ATXN1: variants seen among roughly 807,000 people sequenced by gnomAD.
ATXN1 encodes the protein ataxin-1.
ATXN1 carries 8 observed loss-of-function variants against 56.4 expected under a neutral mutation model. That is an observed-to-expected ratio of 0.14 (90% CI 0.08 to 0.26). The LOEUF (loss-of-function observed/expected upper bound fraction) is 0.26, where lower values mean the gene tolerates loss of function less well. ATXN1 is among the 10% of genes least tolerant of loss of function. The pLI is 1.00. For synonymous variants in ATXN1, 514 were observed against 494.6 expected, an observed-to-expected ratio of 1.04 and a Z score of -0.52; for missense variants, 987 against 1,106.5, an observed-to-expected ratio of 0.89 and a Z score of 1.53.
At chr6:16,559,166 C>T (rs979198234) in intron 4 of ATXN1, among the ~76,000 whole-genome samples, 7 of 152,134 alleles carry the variant, frequency 4.6e-5, no homozygotes, top group Non-Finnish European at 1.0e-4. Context: ...TCAAACAGTG[C>T]TAGCAGGAAC....
intron 5 of ATXN1, among the ~76,000 whole-genome samples, chr6:16,521,523 A>G (rs1434372816): frequency 6.6e-6 from 1 of 152,236 alleles, no homozygotes; most frequent in Non-Finnish European, 1.5e-5. Context: ...GTGCCACTGC[A>G]CTCCAGCCTG....
chr6:16,478,514 T>C (rs559633989), intron 6 of ATXN1, among the ~76,000 whole-genome samples: 2 of 152,354 alleles, frequency 1.3e-5, no homozygotes, highest in Non-Finnish European at 2.9e-5. Flanking sequence ...TCTACTCTTC[T>C]ACCTTCTTTT....
chr6:16,554,541 T>A (rs1184045041), intron 4 of ATXN1, among the ~76,000 whole-genome samples: 1 of 152,194 alleles, frequency 6.6e-6, no homozygotes, highest in East Asian at 1.9e-4. Flanking sequence ...AACCTCCAGC[T>A]CCCAGATTCA....
intron 7 of ATXN1, among the ~76,000 whole-genome samples, chr6:16,323,145 T>C (rs1760715970): frequency 6.6e-6 from 1 of 152,108 alleles, no homozygotes; most frequent in Non-Finnish European, 1.5e-5. Context: ...GGGAAGCCAA[T>C]TTCTCTTTCA....
chr6:16,561,348 ATT>A (rs1184920656), intron 4 of ATXN1, among the ~76,000 whole-genome samples: 2 of 151,746 alleles, frequency 1.3e-5, no homozygotes, highest in Non-Finnish European at 3.0e-5. Context: ...ACAGGAGTTA[ATT>A]ATTTTGGTTC....
At chr6:16,658,435 G>C (rs902831921) in intron 2 of ATXN1, among the ~76,000 whole-genome samples, 1 of 121,964 alleles carries the variant, frequency 8.2e-6, no homozygotes, top group Non-Finnish European at 1.6e-5. Context: ...GTAATGCATG[G>C]GTTTCCCTTG....
rs183614757 is a variant in ATXN1, at chr6:16,622,996, G to T, written c.-489+34780C>A. ...CGTAACTTTTTTGGCTTCATATCAGGTTACTGAAATGTATCTATATTGCTC... is the reference window on the plus strand; with the variant it reads ...CGTAACTTTTTTGGCTTCATATCAGTTTACTGAAATGTATCTATATTGCTC... On this transcript the variant is annotated intron_variant, in intron 3 of 7. Transcript: ENST00000436367. Among the ~76,000 whole-genome samples the T allele has an allele frequency of 1.3e-4, 20 of 152,084 alleles. No individual in the cohort carries two copies. In the East Asian group the frequency reaches 3.9e-3, roughly 29 times the overall value.
At chr6:16,754,639 C>A (rs560300791) in intron 1 of ATXN1, 1 of 152,292 alleles carries the variant, frequency 6.6e-6, no homozygotes, top group African/African-American at 2.4e-5. Context: ...AATGTTCTTA[C>A]TTCTAACTAA....
intron 5 of ATXN1, among the ~76,000 whole-genome samples, chr6:16,517,715 G>T (rs1473174463): frequency 6.6e-6 from 1 of 152,138 alleles, no homozygotes; most frequent in Non-Finnish European, 1.5e-5. Context: ...AAAGGATACA[G>T]GTATGTAGGT....
chr6:16,414,674 G>C (rs1288491838), intron 6 of ATXN1, among the ~76,000 whole-genome samples: 1 of 152,152 alleles, frequency 6.6e-6, no homozygotes, highest in African/African-American at 2.4e-5. Flanking sequence ...ACCCAGTAGA[G>C]CCTCTTCACT....
intron 6 of ATXN1, among the ~76,000 whole-genome samples, chr6:16,413,708 T>C (rs1370027694): frequency 2.0e-5 from 3 of 152,304 alleles, no homozygotes; most frequent in South Asian, 4.1e-4. Flanking sequence ...CTTTGTGACA[T>C]GATGTTTGGG....
rs745486123 is a variant in ATXN1, at chr6:16,302,001, TATTTC to T, written c.*4323_*4327del. The T allele has an allele frequency of 2.0e-5, 3 of 152,780 alleles. No individual in the cohort carries two copies. The highest frequency in any genetic ancestry group is 6.5e-5 in the Admixed American group (1 of 15,306). 9.5% of individuals were successfully genotyped at this position (152,780 alleles called of 1,614,324 possible). On this transcript the variant is annotated 3_prime_UTR_variant, in exon 8 of 8. Transcript: ENST00000436367. ...ACAACAAAAATAAATTTTGGCAACA[TATTTC>T]AGTAAAGATCAAACTGTGCAAAGAG...
intron 2 of ATXN1, among the ~76,000 whole-genome samples, chr6:16,687,511 G>A (rs1019271806): frequency 8.1e-5 from 12 of 147,266 alleles, no homozygotes; most frequent in African/African-American, 3.0e-4. Flanking sequence ...GTGTCCGCAA[G>A]AGGGAAAAAA....
chr6:16,528,179 T>TA (rs1761429595), intron 4 of ATXN1, among the ~76,000 whole-genome samples: 1 of 151,688 alleles, frequency 6.6e-6, no homozygotes, highest in African/African-American at 2.4e-5. Context: ...TGCACGCCTG[T>TA]AATCCCAGCT....
chr6:16,427,207 C>T (rs972054516), intron 6 of ATXN1, among the ~76,000 whole-genome samples: 2 of 152,130 alleles, frequency 1.3e-5, no homozygotes, highest in Non-Finnish European at 2.9e-5. Context: ...GGTTTCTCAG[C>T]CTTGGCACTG....
intron 6 of ATXN1, among the ~76,000 whole-genome samples, chr6:16,452,257 T>C (rs899559298): frequency 6.6e-6 from 1 of 152,192 alleles, no homozygotes; most frequent in Non-Finnish European, 1.5e-5. Context: ...TCAGGGTGTA[T>C]TGCTGGCATT....
chr6:16,529,944 G>C (rs1761470551), intron 4 of ATXN1, among the ~76,000 whole-genome samples: 1 of 152,144 alleles, frequency 6.6e-6, no homozygotes, highest in South Asian at 2.1e-4. Flanking sequence ...TGAATCCTCA[G>C]AGAATCATAA....
intron 3 of ATXN1, among the ~76,000 whole-genome samples, chr6:16,595,796 T>C (rs1228455929): frequency 2.7e-5 from 4 of 147,910 alleles, no homozygotes; most frequent in Non-Finnish European, 5.9e-5. Flanking sequence ...AAGTCACCTT[T>C]TTGAGATTTT....
Position 16,569,949 on chromosome 6 carries a change from G to A in ATXN1, c.-361+15831C>T, listed in dbSNP as rs146172919. Reference sequence around the variant, plus strand: ...CACTGAGGGAATGTCTGAGCCTTGCGATACAAGGACCCTGGGTCAGGGAAT... The same window carrying A: ...CACTGAGGGAATGTCTGAGCCTTGCAATACAAGGACCCTGGGTCAGGGAAT... On this transcript the variant is annotated intron_variant, in intron 4 of 7. Transcript: ENST00000436367. 6.6e-5 allele frequency among the ~76,000 whole-genome samples: 10 copies of A among 152,242 alleles called. No homozygotes were observed. In the East Asian group the frequency reaches 1.4e-3, roughly 21 times the overall value.
Sources: allele counts gnomAD v4.1 joint callset (sites outside exome capture counted in the v4.1 genomes callset), GRCh38; gene constraint gnomAD v4.1.1; transcripts MANE v1.5; gene names NCBI Gene and HGNC (gene_info 2026-07-23, HGNC 2026-07-21).